SLC44A5: variants seen among roughly 807,000 people sequenced by gnomAD.
SLC44A5 encodes solute carrier family 44 member 5.
SLC44A5 carries 57 observed loss-of-function variants against 101.8 expected under a neutral mutation model. The ratio of observed to expected loss-of-function variants is 0.56; its 90% CI spans 0.45 to 0.70. The LOEUF is 0.70. Among genes scored for constraint, SLC44A5 ranks in the 30% least tolerant of loss-of-function variants. The pLI, the probability that SLC44A5 is intolerant of heterozygous loss-of-function variation, is 0.00. For missense variants in SLC44A5, 737 were observed against 853.1 expected, an observed-to-expected ratio of 0.86 and a Z score of 1.70; for synonymous variants, 281 against 290.9, an observed-to-expected ratio of 0.97 and a Z score of 0.35.
intron 1 of SLC44A5, among the ~76,000 whole-genome samples, chr1:75,544,865 C>T (rs1161998225): frequency 6.6e-6 from 1 of 151,572 alleles, no homozygotes; most frequent in Non-Finnish European, 1.5e-5. Flanking sequence ...TCAGAAGTAC[C>T]AAGGGATTTT....
the SLC44A5 span, chr1:75,677,891 G>A: frequency 3.0e-6 from 1 of 330,612 alleles, no homozygotes. Flanking sequence ...GTGGGCGCAG[G>A]TCAGTGGGTG....
At chr1:75,567,757 A>G (rs1375716530) in intron 1 of SLC44A5, among the ~76,000 whole-genome samples, 1 of 152,208 alleles carries the variant, frequency 6.6e-6, no homozygotes, top group African/African-American at 2.4e-5. Context: ...ATACGATTTA[A>G]TAAGGCTAGG....
At chr1:75,319,651 TATC>T (rs1467926943) in intron 4 of SLC44A5, among the ~76,000 whole-genome samples, 1 of 152,186 alleles carries the variant, frequency 6.6e-6, no homozygotes, top group African/African-American at 2.4e-5. Flanking sequence ...GCCTTTCTAC[TATC>T]ATCATTCTGG....
intron 2 of SLC44A5, among the ~76,000 whole-genome samples, chr1:75,403,752 A>C (rs1270977793): frequency 6.6e-6 from 1 of 152,214 alleles, no homozygotes; most frequent in African/African-American, 2.4e-5. Context: ...AAACCAGCAC[A>C]AAACGGCTGA....
chr1:75,647,045 T>C, the SLC44A5 span, among the ~76,000 whole-genome samples: 2 of 152,212 alleles, frequency 1.3e-5, no homozygotes, highest in African/African-American at 4.8e-5. Flanking sequence ...ATAGGGCATG[T>C]CAGAGGTCTT....
intron 12 of SLC44A5, among the ~76,000 whole-genome samples, chr1:75,228,117 C>T (rs1164130219): frequency 6.6e-6 from 1 of 152,010 alleles, no homozygotes; most frequent in Non-Finnish European, 1.5e-5. Context: ...TAGAAATGAC[C>T]TTAATGTCCA....
At chr1:75,375,432 A>C (rs1028151047) in intron 3 of SLC44A5, among the ~76,000 whole-genome samples, 1 of 152,212 alleles carries the variant, frequency 6.6e-6, no homozygotes, top group African/African-American at 2.4e-5. Context: ...AATCCACAAC[A>C]ATTTCCCCAA....
At chr1:75,484,650 T>G (rs142523708) in intron 2 of SLC44A5, among the ~76,000 whole-genome samples, 1 of 152,242 alleles carries the variant, frequency 6.6e-6, no homozygotes, top group African/African-American at 2.4e-5. Flanking sequence ...CTAGGCAACA[T>G]TGCCCTCTGC....
chr1:75,233,492 T>C (rs1302852739), intron 12 of SLC44A5, among the ~76,000 whole-genome samples: 1 of 152,090 alleles, frequency 6.6e-6, no homozygotes, highest in Non-Finnish European at 1.5e-5. Context: ...CATACAAAAG[T>C]GTAATTCGGA....
chr1:75,588,850 G>A (rs1307389393), intron 1 of SLC44A5, among the ~76,000 whole-genome samples: 1 of 152,116 alleles, frequency 6.6e-6, no homozygotes, highest in Non-Finnish European at 1.5e-5. Flanking sequence ...CTGTGAACAA[G>A]GCATGAAATT....
intron 1 of SLC44A5, among the ~76,000 whole-genome samples, chr1:75,543,034 C>A (rs1671438162): frequency 6.6e-6 from 1 of 152,058 alleles, no homozygotes; most frequent in South Asian, 2.1e-4. Flanking sequence ...ACAATTACTG[C>A]AAAAGGTACA....
chr1:75,234,021 A>G lies in SLC44A5; in HGVS notation c.818T>C (p.Val273Ala). 1 of 1,613,420 alleles carries G rather than the reference A, an allele frequency of 6.2e-7. No individual in the cohort carries two copies. The highest frequency in any genetic ancestry group is 1.1e-5 in the South Asian group (1 of 91,050). Reference sequence around the variant, plus strand: ...AATTCCAATCACACCAATCATGAAGACCCAGAAGAGGCATCCAGCTATGAA... The same window carrying G: ...AATTCCAATCACACCAATCATGAAGGCCCAGAAGAGGCATCCAGCTATGAA... ...LRFIAGCLFW[V>A]FMIGVIGIIG... The change falls in exon 12 of 24, where the codon GTC becomes GCC. Residue 273 changes from valine (V) to alanine (A), a missense_variant. Physicochemically the swap from Val to Ala is moderately conservative, Grantham distance 64. Around this residue, in one of 3 missense-constraint regions of SLC44A5, gnomAD observed 665 missense variants for 764.4 expected, o/e 0.87. Transcript: ENST00000370859.
intron 3 of SLC44A5, among the ~76,000 whole-genome samples, chr1:75,360,228 CA>C (rs200204762): frequency 0.016 from 2,462 of 152,132 alleles, 60 homozygotes; most frequent in African/African-American, 0.048. Context: ...GGGTTCATAT[CA>C]AAAAAATCCA....
chr1:75,238,646 T>C lies in SLC44A5; in HGVS notation c.533-10A>G. The C allele has an allele frequency of 6.6e-7, 1 of 1,523,320 alleles. No homozygotes were observed. The highest frequency in any genetic ancestry group is 8.9e-7 in the Non-Finnish European group (1 of 1,125,880). 94.4% of individuals were successfully genotyped at this position (1,523,320 alleles called of 1,614,324 possible). A position where few individuals can be genotyped will look rare whatever the true frequency, so the allele number is the denominator to read the frequency against. ...AAACATCTCTGGAGAACTGTAAAAA[T>C]AAATTAAAATTATTGTAATCACTTT... On this transcript the variant is annotated splice_polypyrimidine_tract_variant and intron_variant, in intron 9 of 23. Coordinates refer to ENST00000370859, the MANE Select transcript of SLC44A5 (RefSeq NM_001130058.2).
intron 18 of SLC44A5, 36 bp downstream of exon 18, chr1:75,217,830 T>C: frequency 7.3e-7 from 1 of 1,368,000 alleles, no homozygotes; most frequent in Non-Finnish European, 1.0e-6. Flanking sequence ...ACCCAATTTA[T>C]TATCTTCACA....
At position 75,316,776 on chromosome 1, in the gene SLC44A5, TA is replaced by T. The variant is rs1473640652; in HGVS notation, c.102-16092del. On this transcript the variant is annotated intron_variant, in intron 4 of 23. Transcript: ENST00000370859. The stretch of plus-strand genomic sequence containing the variant: ...TATATCACCTTCTCCCTTTGCTTCT[TA>T]CTGGGTAATGTATTTGTTCTTACCA... 2.4e-4 allele frequency among the ~76,000 whole-genome samples: 36 copies of T among 152,342 alleles called. 1 individual carries two copies. In the Middle Eastern group the frequency reaches 0.01, roughly 43 times the overall value.
At chr1:75,722,286 T>G in the SLC44A5 span, among the ~76,000 whole-genome samples, 1 of 152,196 alleles carries the variant, frequency 6.6e-6, no homozygotes, top group Non-Finnish European at 1.5e-5. Flanking sequence ...TCAAATGGAC[T>G]TTCCTTTCCG....
At chr1:75,206,229 C>A in intron 23 of SLC44A5, 1 of 166,830 alleles carries the variant, frequency 6.0e-6, no homozygotes, top group Non-Finnish European at 1.3e-5. Context: ...TATTTTATGG[C>A]TAATTAATTA....
chr1:75,538,617 C>G (rs1160024367), intron 2 of SLC44A5, among the ~76,000 whole-genome samples: 1 of 152,126 alleles, frequency 6.6e-6, no homozygotes, highest in Non-Finnish European at 1.5e-5. Context: ...TTTTCGATTA[C>G]AGAAATGAAG....
Sources: gnomAD v4.1 joint callset for allele counts (sites outside exome capture counted in the v4.1 genomes callset) on GRCh38, gnomAD v4.1.1 for gene constraint, gnomAD v4.1.1 regional missense constraint, MANE v1.5 for transcripts, NCBI Gene and HGNC (gene_info 2026-07-23, HGNC 2026-07-21) for gene names.